The following ELP4 variants were observed in gnomAD, a reference collection of about 807,000 sequenced individuals.
ELP4 encodes the protein elongator acetyltransferase complex subunit 4.
Under a neutral mutation model 48.9 loss-of-function variants are expected in ELP4, and 51 were observed. The observed-to-expected ratio is 1.04, with a 90% confidence interval of 0.83 to 1.32. The LOEUF (loss-of-function observed/expected upper bound fraction) is 1.32, where lower values mean the gene tolerates loss of function less well. ELP4 is among the 40% of genes most tolerant of loss of function. ELP4 has a pLI of 0.00. For synonymous variants in ELP4, 210 were observed against 189.2 expected, an observed-to-expected ratio of 1.11 and a Z score of -0.90; for missense variants, 519 against 514.6, an observed-to-expected ratio of 1.01 and a Z score of -0.08.
intron 9 of ELP4, among the ~76,000 whole-genome samples, chr11:31,715,601 T>G (rs1464774316): frequency 6.6e-6 from 1 of 152,202 alleles, no homozygotes; most frequent in Non-Finnish European, 1.5e-5. Flanking sequence ...CAAGCAAGTA[T>G]GAGACATAAT....
At chr11:31,566,262 G>A (rs1015978510) in intron 3 of ELP4, among the ~76,000 whole-genome samples, 1 of 151,948 alleles carries the variant, frequency 6.6e-6, no homozygotes, top group African/African-American at 2.4e-5. Context: ...GGATGCTGGG[G>A]CAGGATAATT....
At chr11:31,514,573 T>C (rs1220112542) in intron 1 of ELP4, among the ~76,000 whole-genome samples, 1 of 152,226 alleles carries the variant, frequency 6.6e-6, no homozygotes, top group Non-Finnish European at 1.5e-5. Flanking sequence ...CTTTCTTGCC[T>C]GTTTTCATTA....
intron 3 of ELP4, among the ~76,000 whole-genome samples, chr11:31,581,208 G>C (rs980918750): frequency 6.6e-6 from 1 of 152,156 alleles, no homozygotes; most frequent in East Asian, 1.9e-4. Flanking sequence ...CTACACAGCT[G>C]TTATTCTGGC....
In ELP4 at chr11:31,788,907, C is replaced by T. The variant is rs1169922248; in HGVS notation, c.*5383C>T. The stretch of plus-strand genomic sequence containing the variant: ...TGGAAATAAAATTTGTAACACCACA[C>T]TATAAGGTTAAAAAGAAAACTGTAT... On this transcript the variant is annotated 3_prime_UTR_variant, in exon 10 of 10. Coordinates refer to ENST00000640961, the MANE Select transcript of ELP4 (RefSeq NM_019040.5). The T allele has an allele frequency of 5.0e-6, 1 of 201,138 alleles. No homozygotes were observed. The highest frequency in any genetic ancestry group is 2.3e-5 in the African/African-American group (1 of 43,646). 12.5% of individuals were successfully genotyped at this position (201,138 alleles called of 1,614,324 possible).
Position 31,658,267 on chromosome 11 carries a change from G to A in ELP4, c.1143+8046G>A, listed in dbSNP as rs114903216. 6.1e-3 allele frequency among the ~76,000 whole-genome samples: 927 copies of A among 151,740 alleles called. 10 individuals carry two copies. The highest frequency in any genetic ancestry group is 0.021 in the African/African-American group (881 of 41,414). ...TAACATTCATATTAAAAATTCTTCT[G>A]TTCCCCAGCATGCATTTCTACTTTT... On this transcript the variant is annotated intron_variant, in intron 9 of 9. Coordinates refer to ENST00000640961, the MANE Select transcript of ELP4 (RefSeq NM_019040.5).
chr11:31,629,684 C>T (rs574134906), intron 6 of ELP4, among the ~76,000 whole-genome samples: 1 of 151,384 alleles, frequency 6.6e-6, no homozygotes, highest in Non-Finnish European at 1.5e-5. Context: ...TACTGTTGAT[C>T]TTTAGTTTCT....
chr11:31,740,354 T>C (rs1288094767), intron 9 of ELP4, among the ~76,000 whole-genome samples: 4 of 152,246 alleles, frequency 2.6e-5, no homozygotes, highest in South Asian at 4.1e-4. Flanking sequence ...GAAGTACACA[T>C]TGGCATCATT....
chr11:31,756,049 A>T (rs1028455471), intron 9 of ELP4, among the ~76,000 whole-genome samples: 1 of 152,204 alleles, frequency 6.6e-6, no homozygotes, highest in African/African-American at 2.4e-5. Context: ...GGTTTGGGAA[A>T]TTTATTTAAA....
intron 3 of ELP4, among the ~76,000 whole-genome samples, chr11:31,572,880 A>G (rs1957211000): frequency 1.3e-5 from 2 of 151,914 alleles, no homozygotes; most frequent in Admixed American, 1.3e-4. Flanking sequence ...TGGTGCACAC[A>G]TGTAGTCCTA....
chr11:31,782,700 G>A (rs1948404690), intron 9 of ELP4, among the ~76,000 whole-genome samples: 1 of 152,016 alleles, frequency 6.6e-6, no homozygotes, highest in Non-Finnish European at 1.5e-5. Flanking sequence ...GGTTGGGAGG[G>A]TGTTCAAAGC....
At chr11:31,572,190 G>T (rs1957202861) in intron 3 of ELP4, among the ~76,000 whole-genome samples, 1 of 152,178 alleles carries the variant, frequency 6.6e-6, no homozygotes, top group Non-Finnish European at 1.5e-5. Context: ...ATAACTTGCT[G>T]CAGTTTCAAC....
At chr11:31,736,709 A>G (rs1947326614) in intron 9 of ELP4, among the ~76,000 whole-genome samples, 1 of 152,278 alleles carries the variant, frequency 6.6e-6, no homozygotes, top group Non-Finnish European at 1.5e-5. Context: ...TTATGCAGCC[A>G]GAAGACACAT....
intron 5 of ELP4, among the ~76,000 whole-genome samples, chr11:31,613,654 T>G (rs2134016411): frequency 6.6e-6 from 1 of 151,426 alleles, no homozygotes; most frequent in African/African-American, 2.4e-5. Context: ...TCCGGATAAG[T>G]TTTTTTTTAT....
At chr11:31,564,208 T>C (rs746925156) in intron 3 of ELP4, among the ~76,000 whole-genome samples, 11 of 152,134 alleles carry the variant, frequency 7.2e-5, no homozygotes, top group East Asian at 1.9e-4. Flanking sequence ...GGGTATTAGA[T>C]AACAAAAGTA....
In ELP4 at chr11:31,784,082, TA is replaced by T. The variant is rs1948436798; in HGVS notation, c.*561del. 1 of 152,190 alleles carries T rather than the reference TA, an allele frequency of 6.6e-6. No individual in the cohort carries two copies. Among genetic ancestry groups the T allele is most frequent in the Non-Finnish European group, 1.5e-5 (1 of 68,036 alleles). The allele number at this position is 152,190 out of a possible 1,614,324, so 9.4% of individuals were successfully genotyped here. Reference sequence around the variant, plus strand: ...ATAATTAGTCTACCATAGTAGTTATTAAATATAAAGAACTTCAGTGATAGGA... The same window carrying T: ...ATAATTAGTCTACCATAGTAGTTATTAATATAAAGAACTTCAGTGATAGGA... On this transcript the variant is annotated 3_prime_UTR_variant, in exon 10 of 10. Coordinates refer to ENST00000640961, the MANE Select transcript of ELP4 (RefSeq NM_019040.5).
At chr11:31,591,064 TAAATA>T (rs1334021272) in intron 3 of ELP4, among the ~76,000 whole-genome samples, 1 of 151,934 alleles carries the variant, frequency 6.6e-6, no homozygotes, top group Non-Finnish European at 1.5e-5. Context: ...CTATCTAAAA[TAAATA>T]AAGTAGTCTC....
chr11:31,766,939 C>T (rs1948054036), intron 9 of ELP4, among the ~76,000 whole-genome samples: 2 of 152,068 alleles, frequency 1.3e-5, no homozygotes, highest in African/African-American at 4.8e-5. Context: ...AGGAAAAACT[C>T]ATTTTTTCAT....
chr11:31,569,643 T>C (rs1049066336), intron 3 of ELP4, among the ~76,000 whole-genome samples: 1 of 152,100 alleles, frequency 6.6e-6, no homozygotes, highest in Admixed American at 6.6e-5. Flanking sequence ...GGAGAATCAC[T>C]TGAACCTGGG....
rs778860014 is a variant in ELP4 at position 31,788,170 on chromosome 11, T to A, written c.*4646T>A. ...CTGCGTGCCTCCACTTTAAACATGA[T>A]CAGAACTGTGCTTCATTGCAAATAA... On this transcript the variant is annotated 3_prime_UTR_variant, in exon 10 of 10. Transcript: ENST00000640961. 1 of 226,220 alleles carries A rather than the reference T, an allele frequency of 4.4e-6. No individual in the cohort carries two copies. Among genetic ancestry groups the A allele is most frequent in the Non-Finnish European group, 8.8e-6 (1 of 113,700 alleles). The allele number at this position is 226,220 out of a possible 1,614,324, so 14.0% of individuals were successfully genotyped here. A position where few individuals can be genotyped will look rare whatever the true frequency, so the allele number is the denominator to read the frequency against.
Sources: allele counts gnomAD v4.1 joint callset (sites outside exome capture counted in the v4.1 genomes callset), GRCh38; gene constraint gnomAD v4.1.1; transcripts MANE v1.5; gene names NCBI Gene and HGNC (gene_info 2026-07-23, HGNC 2026-07-21).